UNC13B: variants seen among roughly 807,000 people sequenced by gnomAD.
The protein encoded by UNC13B is unc-13 homolog B.
UNC13B carries 144 observed loss-of-function variants against 211.0 expected under a neutral mutation model. That is an observed-to-expected ratio of 0.68 (90% confidence interval 0.60 to 0.78). UNC13B has a LOEUF of 0.78. Among genes scored for constraint, UNC13B ranks in the 30% least tolerant of loss-of-function variants. The probability of loss-of-function intolerance (pLI) is 0.00; values close to 1 mark genes in which losing one functional copy is unlikely to be tolerated. For missense variants in UNC13B, 1,777 were observed against 2,002.0 expected (o/e 0.89, Z 2.14); for synonymous variants, 709 against 725.8 (o/e 0.98, Z 0.37).
chr9:35,245,934 C>T (rs1379317013), intron 6 of UNC13B, among the ~76,000 whole-genome samples: 1 of 152,174 alleles, frequency 6.6e-6, no homozygotes, highest in Non-Finnish European at 1.5e-5. Context: ...ACACTGTATT[C>T]CACAATGGTT....
chr9:35,369,263 T>A (rs1214234656), intron 12 of UNC13B, among the ~76,000 whole-genome samples: 2 of 150,314 alleles, frequency 1.3e-5, no homozygotes, highest in Non-Finnish European at 3.0e-5. Flanking sequence ...CCAGCCGTGG[T>A]ATACAGCCCA....
intron 1 of UNC13B, among the ~76,000 whole-genome samples, chr9:35,183,039 C>A (rs1488166858): frequency 9.3e-6 from 1 of 106,980 alleles, no homozygotes; most frequent in Non-Finnish European, 2.4e-5. Flanking sequence ...AGAGGCGCTC[C>A]TCACTTCCCA....
At chr9:35,317,485 A>C (rs1830519164) in intron 11 of UNC13B, among the ~76,000 whole-genome samples, 1 of 143,486 alleles carries the variant, frequency 7.0e-6, no homozygotes, top group Non-Finnish European at 1.5e-5. Flanking sequence ...TGCTGGGATT[A>C]TAGGCGTGAG....
intron 13 of UNC13B, 49 bp from the exon 14 acceptor site, chr9:35,375,078 T>G: frequency 6.2e-7 from 1 of 1,607,452 alleles, no homozygotes; most frequent in Non-Finnish European, 8.5e-7. Flanking sequence ...CCCCAGACTT[T>G]GCCAGCCCTT....
At chr9:35,351,159 G>A (rs1320990648) in intron 11 of UNC13B, 2 of 301,776 alleles carry the variant, frequency 6.6e-6, no homozygotes, top group Non-Finnish European at 4.9e-6. Context: ...TTTAAGACTG[G>A]GGTTGGGAGG....
intron 20 of UNC13B, 59 bp downstream of exon 20, chr9:35,381,778 G>T: frequency 6.3e-7 from 1 of 1,586,932 alleles, no homozygotes. Context: ...GCTAATTAAG[G>T]CACACTGACA....
At chr9:35,386,372 A>G in intron 24 of UNC13B, 79 bp downstream of exon 24, 2 of 1,587,850 alleles carry the variant, frequency 1.3e-6, no homozygotes, top group South Asian at 2.3e-5. Flanking sequence ...TGGTGGTGGA[A>G]AAGCACTCAG....
chr9:35,255,096 T>A (rs1314994247), intron 6 of UNC13B, among the ~76,000 whole-genome samples: 2 of 125,486 alleles, frequency 1.6e-5, no homozygotes, highest in African/African-American at 3.0e-5. Flanking sequence ...ATATATATAT[T>A]ATATATATTT....
At chr9:35,364,178 T>G (rs902754749) in intron 11 of UNC13B, among the ~76,000 whole-genome samples, 2 of 130,706 alleles carry the variant, frequency 1.5e-5, no homozygotes, top group Non-Finnish European at 2.9e-5. Flanking sequence ...CCAGCTTAGA[T>G]AGTCTGTTGG....
chr9:35,214,154 A>G (rs1016804216), intron 1 of UNC13B, among the ~76,000 whole-genome samples: 3 of 152,198 alleles, frequency 2.0e-5, no homozygotes, highest in Non-Finnish European at 4.4e-5. Context: ...CAGGCTGGGC[A>G]TGGTGGCTCA....
At chr9:35,353,120 G>T in intron 11 of UNC13B, 1 of 1,232,164 alleles carries the variant, frequency 8.1e-7, no homozygotes, top group Non-Finnish European at 1.0e-6. Flanking sequence ...AATTATCATA[G>T]GGCCTGAGAC....
At chr9:35,172,288 A>G (rs1367875005) in intron 1 of UNC13B, among the ~76,000 whole-genome samples, 1 of 151,940 alleles carries the variant, frequency 6.6e-6, no homozygotes, top group African/African-American at 2.4e-5. Context: ...GGCAATTAGG[A>G]TATCTGTCAC....
intron 11 of UNC13B, among the ~76,000 whole-genome samples, chr9:35,365,543 G>A (rs985582658): frequency 1.3e-5 from 2 of 152,028 alleles, no homozygotes; most frequent in African/African-American, 4.8e-5. Context: ...GGGAAAATAA[G>A]TTCTGGTTGG....
At chr9:35,245,973 TAA>T (rs910346900) in intron 6 of UNC13B, among the ~76,000 whole-genome samples, 3 of 152,210 alleles carry the variant, frequency 2.0e-5, no homozygotes, top group African/African-American at 7.2e-5. Flanking sequence ...ACCAACAGTG[TAA>T]AAGTGTTCCT....
At chr9:35,267,468 T>C (rs61336630) in intron 7 of UNC13B, among the ~76,000 whole-genome samples, 3,932 of 152,308 alleles carry the variant, frequency 0.026, 174 homozygotes, top group African/African-American at 0.088. Context: ...TGCTTTAAGT[T>C]CTGGGTTACA....
chr9:35,259,805 G>GGGGGT (rs551849946), intron 7 of UNC13B, among the ~76,000 whole-genome samples: 21 of 120,098 alleles, frequency 1.7e-4, no homozygotes, highest in Non-Finnish European at 3.0e-4. Context: ...GCGGGGGGGG[G>GGGGGT]GGATTTTGAT....
In UNC13B at chr9:35,377,551, C is replaced by T. The variant is rs374967761; in HGVS notation, c.9919C>T (p.Arg3307Ter). Residue 3307 changes from arginine (R) to a stop codon, truncating the protein, a stop_gained, in exon 16 of 40, where the codon CGA (arginine) becomes TGA (stop). Transcript: ENST00000635942. LOFTEE classifies it high-confidence loss of function. ...GGCCATGAAGGACCGCATGAAGATC[C>T]GAGAGCGAAATAAGCCAGAGATCTT... ...IMAMKDRMKI[R>*]ERNKPEIFEV... The T allele has an allele frequency of 1.1e-5, 18 of 1,614,076 alleles. No individual in the cohort carries two copies. The highest frequency in any genetic ancestry group is 1.5e-5 in the Non-Finnish European group (18 of 1,180,048).
intron 1 of UNC13B, among the ~76,000 whole-genome samples, chr9:35,202,888 GTTCACGC>G (rs1554686385): frequency 6.6e-6 from 1 of 151,684 alleles, no homozygotes; most frequent in Non-Finnish European, 1.5e-5. Context: ...TGCCTCCCAG[GTTCACGC>G]CATTCTCCTG....
At position 35,398,247 on chromosome 9, in the gene UNC13B, G is replaced by A. The variant is rs1836018946; in HGVS notation, c.11791G>A (p.Val3931Ile). Residue 3931 changes from valine (V) to isoleucine (I), a missense_variant, in exon 31 of 40, where the codon GTC becomes ATC. Physicochemically the swap from Val to Ile is conservative, Grantham distance 29. Transcript: ENST00000635942. ...ILMNNVQQLRVQLEKMFEAMG... is the reference protein window; with the variant it reads ...ILMNNVQQLRIQLEKMFEAMG... ...GATGAACAACGTGCAGCAACTGAGG[G>A]TCCAGCTGGAGAAAATGTTTGAGGC... 3.7e-6 allele frequency: 6 copies of A among 1,613,990 alleles called. No individual in the cohort carries two copies. The highest frequency in any genetic ancestry group is 5.1e-6 in the Non-Finnish European group (6 of 1,179,950).
Sources: gnomAD v4.1 joint callset for allele counts (sites outside exome capture counted in the v4.1 genomes callset) on GRCh38, gnomAD v4.1.1 for gene constraint, MANE v1.5 for transcripts, NCBI Gene and HGNC (gene_info 2026-07-23, HGNC 2026-07-21) for gene names.